Variants in TTC28 observed in about 807,000 individuals in gnomAD.
The protein encoded by TTC28 is tetratricopeptide repeat domain 28, also known as tetratricopeptide repeat protein 28.
A neutral mutation model predicts 198.0 loss-of-function variants in TTC28; 61 were observed. The ratio of observed to expected loss-of-function variants is 0.31; its 90% CI spans 0.25 to 0.38. The LOEUF is 0.38. TTC28 is among the 10% of genes least tolerant of loss of function. The pLI, the probability that TTC28 is intolerant of heterozygous loss-of-function variation, is 1.00. For synonymous variants in TTC28, 1,171 were observed against 1,297.8 expected (o/e 0.90, Z 2.10); for missense variants, 2,678 against 3,164.0 (o/e 0.85, Z 3.69).
intron 2 of TTC28, among the ~76,000 whole-genome samples, chr22:28,573,127 A>G (rs1423468494): frequency 6.6e-6 from 1 of 151,134 alleles, no homozygotes; most frequent in Admixed American, 6.6e-5. Context: ...GTCTCAAAAA[A>G]AAAAAAAAAC....
chr22:28,431,976 T>TTAAAATAAAATAAAA (rs552214920), intron 2 of TTC28, among the ~76,000 whole-genome samples: 2,629 of 149,718 alleles, frequency 0.018, 25 homozygotes, highest in Non-Finnish European at 0.025. Flanking sequence ...AGACTCTGTC[T>TTAAAATAAAATAAAA]TAAAATAAAA....
intron 2 of TTC28, among the ~76,000 whole-genome samples, chr22:28,538,615 A>T (rs1163041249): frequency 7.2e-6 from 1 of 138,664 alleles, no homozygotes; most frequent in Non-Finnish European, 1.5e-5. Context: ...GCTGAAGTGC[A>T]GTGGCACAAT....
intron 2 of TTC28, among the ~76,000 whole-genome samples, chr22:28,407,030 G>A (rs990349325): frequency 6.6e-6 from 1 of 152,150 alleles, no homozygotes; most frequent in African/African-American, 2.4e-5. Flanking sequence ...GTGTTGAAAA[G>A]CAGTAATTAT....
chr22:28,000,198 CT>C (rs1216866960), intron 15 of TTC28: 2 of 152,206 alleles, frequency 1.3e-5, no homozygotes, highest in Admixed American at 6.5e-5. Context: ...GAGAAAATAA[CT>C]TCTTTCACTT....
At chr22:28,503,232 T>C (rs1028101016) in intron 2 of TTC28, among the ~76,000 whole-genome samples, 1 of 152,170 alleles carries the variant, frequency 6.6e-6, no homozygotes, top group Non-Finnish European at 1.5e-5. Context: ...AGATGAAATA[T>C]TTCCTCAGAG....
At chr22:27,992,974 CG>C (rs1937470911) in intron 18 of TTC28, 2 of 557,120 alleles carry the variant, frequency 3.6e-6, no homozygotes, top group Non-Finnish European at 6.4e-6. Context: ...ACAGCTTCAT[CG>C]GGGCCACAGC....
At chr22:28,173,615 C>A (rs1267571742) in intron 5 of TTC28, among the ~76,000 whole-genome samples, 1 of 152,248 alleles carries the variant, frequency 6.6e-6, no homozygotes, top group Non-Finnish European at 1.5e-5. Flanking sequence ...TCAGTCACCT[C>A]TTGCTCTGTG....
chr22:28,061,342 T>C (rs1044477703), intron 12 of TTC28, among the ~76,000 whole-genome samples: 1 of 152,240 alleles, frequency 6.6e-6, no homozygotes, highest in Non-Finnish European at 1.5e-5. Context: ...AGGGTTTTTA[T>C]GGTTTTAGGT....
At chr22:28,067,339 G>T (rs772879168) in intron 12 of TTC28, among the ~76,000 whole-genome samples, 2 of 152,266 alleles carry the variant, frequency 1.3e-5, no homozygotes, top group East Asian at 1.9e-4. Flanking sequence ...AGAGGCCCAG[G>T]CATGTAGTAT....
Position 28,536,146 on chromosome 22 carries a change from C to A in TTC28, c.381+93406G>T, listed in dbSNP as rs1239462708. Reference sequence around the variant, plus strand: ...CCCGGGAGGCGGAGCTTGCAGTGAGCCGAGATCACGCCACTGCACTCCAGC... The same window carrying A: ...CCCGGGAGGCGGAGCTTGCAGTGAGACGAGATCACGCCACTGCACTCCAGC... On this transcript the variant is annotated intron_variant, in intron 2 of 22. Transcript: ENST00000397906. Among the ~76,000 whole-genome samples the A allele has an allele frequency of 2.8e-5, 4 of 142,656 alleles. No homozygotes were observed. The Admixed American group carries it at 2.9e-4, about 10-fold the overall frequency. 93.6% of individuals were successfully genotyped at this position (142,656 alleles called of 152,430 possible).
chr22:28,480,000 C>G (rs1953215461), intron 2 of TTC28, among the ~76,000 whole-genome samples: 1 of 152,186 alleles, frequency 6.6e-6, no homozygotes, highest in South Asian at 2.1e-4. Context: ...ACCCATCAGA[C>G]TGAGCATCTC....
chr22:28,299,397 T>C (rs1023578297), intron 3 of TTC28, among the ~76,000 whole-genome samples: 5 of 152,170 alleles, frequency 3.3e-5, no homozygotes, highest in African/African-American at 1.2e-4. Context: ...ACAGAAATCT[T>C]GAAACCTGGA....
intron 2 of TTC28, among the ~76,000 whole-genome samples, chr22:28,621,569 A>T (rs1285002410): frequency 1.3e-5 from 2 of 150,738 alleles, no homozygotes; most frequent in African/African-American, 2.4e-5. Flanking sequence ...TAATAATAAT[A>T]AAAAAAATAA....
At chr22:28,493,390 C>T (rs1340690311) in intron 2 of TTC28, among the ~76,000 whole-genome samples, 1 of 151,978 alleles carries the variant, frequency 6.6e-6, no homozygotes, top group Non-Finnish European at 1.5e-5. Context: ...TTTTAAAAAT[C>T]ACTGCTCCCC....
In TTC28 at chr22:28,108,270, A is replaced by G. The variant is rs9625409; in HGVS notation, c.1575T>C (p.Asn525=). 121,214 of 1,549,026 alleles carry G rather than the reference A, an allele frequency of 0.078. 5,182 individuals carry two copies. Among genetic ancestry groups the G allele is most frequent in the South Asian group, 0.089 (7,458 of 83,896 alleles). The stretch of plus-strand genomic sequence containing the variant: ...CCGCCTGGTCGTACATGCCCAGGGC[A>G]TTGTAGGCATTGCCCATATTCCCAT... The part of the protein sequence containing the change: ...RAYGNMGNAY[N]ALGMYDQAVK... The change falls in exon 7 of 23, where the codon AAT becomes AAC. Residue 525 remains asparagine (N), a synonymous_variant. Transcript: ENST00000397906.
chr22:28,015,727 T>C (rs942543558), intron 13 of TTC28, among the ~76,000 whole-genome samples: 1 of 152,002 alleles, frequency 6.6e-6, no homozygotes, highest in Non-Finnish European at 1.5e-5. Context: ...CACCCCACCA[T>C]CAGTGATCTC....
chr22:28,585,998 A>C (rs908238416), intron 2 of TTC28, among the ~76,000 whole-genome samples: 14 of 151,912 alleles, frequency 9.2e-5, no homozygotes, highest in Non-Finnish European at 1.9e-4. Context: ...AAAGAAGAAG[A>C]AGCCGGGTGC....
chr22:28,200,569 C>T (rs1326731985), intron 5 of TTC28, among the ~76,000 whole-genome samples: 1 of 152,026 alleles, frequency 6.6e-6, no homozygotes, highest in Non-Finnish European at 1.5e-5. Flanking sequence ...CAGAGATCAA[C>T]CACCATAGTT....
intron 2 of TTC28, among the ~76,000 whole-genome samples, chr22:28,610,819 C>A (rs2050806236): frequency 6.6e-6 from 1 of 151,930 alleles, no homozygotes; most frequent in African/African-American, 2.4e-5. Flanking sequence ...AAGCTAAGAA[C>A]CTTGAAAAAA....
Sources: allele counts gnomAD v4.1 joint callset (sites outside exome capture counted in the v4.1 genomes callset), GRCh38; gene constraint gnomAD v4.1.1; transcripts MANE v1.5; gene names NCBI Gene and HGNC (gene_info 2026-07-23, HGNC 2026-07-21).